The following DAB1 variants were observed in gnomAD, a reference collection of about 807,000 sequenced individuals.
DAB1 encodes the protein DAB adaptor protein 1.
A neutral mutation model predicts 64.6 loss-of-function variants in DAB1; 15 were observed. The ratio of observed to expected loss-of-function variants is 0.23; its 90% confidence interval spans 0.16 to 0.36. The LOEUF (loss-of-function observed/expected upper bound fraction) is 0.36, where lower values mean the gene tolerates loss of function less well. Ranked by LOEUF, DAB1 falls within the 10% of genes least tolerant of loss-of-function variation. DAB1 has a pLI of 1.00. For missense variants in DAB1, 596 were observed against 706.7 expected (o/e 0.84, Z 1.78); for synonymous variants, 235 against 251.9 (o/e 0.93, Z 0.64).
chr1:58,326,582 AG>A (rs1662830036), intron 4 of DAB1, among the ~76,000 whole-genome samples: 1 of 152,212 alleles, frequency 6.6e-6, no homozygotes, highest in Admixed American at 6.5e-5. Context: ...CCTTTCTGAG[AG>A]CCAGGCTCTT....
intron 7 of DAB1, among the ~76,000 whole-genome samples, chr1:57,465,932 A>G (rs768136310): frequency 1.1e-4 from 16 of 152,230 alleles, no homozygotes; most frequent in Non-Finnish European, 1.6e-4. Flanking sequence ...TTGAGTTTCA[A>G]TGTTTTATAT....
rs76748499 is a variant in DAB1 at position 57,995,425 on chromosome 1, C to T, written n.388-111263G>A. On this transcript the variant is annotated intron_variant and non_coding_transcript_variant, in intron 5 of 20. Transcript: ENST00000485760. The stretch of plus-strand genomic sequence containing the variant: ...GGGCACAAAGGTAACACTAGCCAAC[C>T]ATTTTATGAGATTTTTAATCAATGC... Among the ~76,000 whole-genome samples, 1,247 of 152,224 alleles carry T rather than the reference C, an allele frequency of 8.2e-3. 23 individuals carry two copies. In the East Asian group the frequency reaches 0.083, roughly 10 times the overall value.
intron 3 of DAB1, among the ~76,000 whole-genome samples, chr1:58,347,314 G>C (rs1190693135): frequency 1.3e-5 from 2 of 152,098 alleles, no homozygotes; most frequent in Non-Finnish European, 2.9e-5. Context: ...CACCATGTTA[G>C]TCAGGCTGGT....
chr1:58,129,713 G>C (rs538396855), intron 5 of DAB1, among the ~76,000 whole-genome samples: 29 of 148,990 alleles, frequency 1.9e-4, no homozygotes, highest in Non-Finnish European at 2.8e-4. Context: ...ATTTCGTTAT[G>C]TACCCAGTAG....
chr1:57,582,395 C>T (rs2805872), intron 7 of DAB1, among the ~76,000 whole-genome samples: 5 of 151,946 alleles, frequency 3.3e-5, no homozygotes, highest in Non-Finnish European at 5.9e-5. Flanking sequence ...GGGAGAAATC[C>T]GCTCCCATGA....
Position 57,005,386 on chromosome 1 carries a change from G to C in DAB1, c.*15+5294C>G, listed in dbSNP as rs1279708356. Among the ~76,000 whole-genome samples the C allele has an allele frequency of 2.0e-5, 3 of 152,130 alleles. No homozygotes were observed. In the East Asian group the frequency reaches 5.8e-4, roughly 29 times the overall value. ...AGTAAGCTCCTGGTTACTGGGAGCA[G>C]GTTGCATCTAGGACTGATAGTCTCT... is the stretch of plus-strand genomic sequence containing the variant. On this transcript the variant is annotated intron_variant, in intron 14 of 14. Transcript: ENST00000371236.
In DAB1 at chr1:57,501,799, T is replaced by C. The variant is rs79016412; in HGVS notation, n.625+147793A>G. ...GTGGAATTCGTTATCTTTCAACTTC[T>C]TGTTTACCCCTGCCTACTTTATTCC... On this transcript the variant is annotated intron_variant and non_coding_transcript_variant, in intron 7 of 20. Coordinates refer to the DAB1 transcript ENST00000485760. Among the ~76,000 whole-genome samples, 752 of 152,310 alleles carry C rather than the reference T, an allele frequency of 4.9e-3. 8 individuals are homozygous for C. Among genetic ancestry groups the C allele is most frequent in the African/African-American group, 0.017 (725 of 41,556 alleles).
At chr1:57,138,385 C>T (rs889080312) in intron 3 of DAB1, among the ~76,000 whole-genome samples, 1 of 152,112 alleles carries the variant, frequency 6.6e-6, no homozygotes, top group African/African-American at 2.4e-5. Context: ...GCACTTGGTG[C>T]CGGGACCAGT....
intron 5 of DAB1, among the ~76,000 whole-genome samples, chr1:58,046,073 A>C (rs1388509515): frequency 6.6e-6 from 1 of 152,144 alleles, no homozygotes; most frequent in Admixed American, 6.6e-5. Context: ...CTGGCATAGA[A>C]TAAATGCAGG....
chr1:57,870,733 G>A (rs778978132), intron 1 of DAB1, among the ~76,000 whole-genome samples: 7 of 152,230 alleles, frequency 4.6e-5, no homozygotes, highest in Non-Finnish European at 8.8e-5. Context: ...AAATGATTTG[G>A]ACAAAATTTA....
intron 6 of DAB1, among the ~76,000 whole-genome samples, chr1:57,775,325 T>G (rs1188935262): frequency 9.2e-5 from 14 of 151,656 alleles, no homozygotes; most frequent in Admixed American, 9.2e-4. Flanking sequence ...ATTTGCTGTT[T>G]TTAATAGCTT....
intron 5 of DAB1, among the ~76,000 whole-genome samples, chr1:57,935,628 T>C (rs1306918840): frequency 6.6e-6 from 1 of 152,176 alleles, no homozygotes; most frequent in Non-Finnish European, 1.5e-5. Context: ...AGTATTCCCA[T>C]TTTACAGATG....
chr1:57,919,945 C>G (rs1253715938), intron 5 of DAB1, among the ~76,000 whole-genome samples: 1 of 152,132 alleles, frequency 6.6e-6, no homozygotes, highest in African/African-American at 2.4e-5. Context: ...TAGGGGAGGT[C>G]AGGTGGACCC....
intron 1 of DAB1, among the ~76,000 whole-genome samples, chr1:57,393,715 CAAATCTGGATGGGCA>C (rs1001212954): frequency 3.9e-5 from 6 of 151,928 alleles, no homozygotes; most frequent in African/African-American, 1.5e-4. Flanking sequence ...ACCGGTGGGC[CAAATCTGGATGGGCA>C]ATTGCTGTTT....
intron 7 of DAB1, among the ~76,000 whole-genome samples, chr1:57,498,979 TG>T (rs1644260358): frequency 6.6e-6 from 1 of 152,036 alleles, no homozygotes; most frequent in Non-Finnish European, 1.5e-5. Context: ...TATGGTGTTT[TG>T]TTTTGTTTTG....
chr1:57,900,293 A>T (rs1455863203), intron 5 of DAB1, among the ~76,000 whole-genome samples: 1 of 152,180 alleles, frequency 6.6e-6, no homozygotes, highest in African/African-American at 2.4e-5. Context: ...GGGGGTGAGC[A>T]AGATGGCACA....
chr1:58,251,215 T>A (rs1332613653), intron 4 of DAB1, among the ~76,000 whole-genome samples: 1 of 152,226 alleles, frequency 6.6e-6, no homozygotes, highest in Non-Finnish European at 1.5e-5. Context: ...CTGAGGTAAT[T>A]ATATATCAGT....
At chr1:57,121,935 G>C (rs1010057541) in intron 4 of DAB1, among the ~76,000 whole-genome samples, 3 of 152,090 alleles carry the variant, frequency 2.0e-5, no homozygotes, top group African/African-American at 4.8e-5. Flanking sequence ...CTGTGGTTGT[G>C]GGGGGTCAGC....
At chr1:57,870,066 C>G (rs1207757175) in intron 1 of DAB1, among the ~76,000 whole-genome samples, 1 of 152,132 alleles carries the variant, frequency 6.6e-6, no homozygotes, top group African/African-American at 2.4e-5. Context: ...AATACTTACC[C>G]TCTCTGAGCC....
Sources: gnomAD v4.1 joint callset for allele counts (sites outside exome capture counted in the v4.1 genomes callset) on GRCh38, gnomAD v4.1.1 for gene constraint, MANE v1.5 for transcripts, NCBI Gene and HGNC (gene_info 2026-07-23, HGNC 2026-07-21) for gene names.